Variants in SYNPO2 observed in about 807,000 individuals in gnomAD.
The protein encoded by SYNPO2 is synaptopodin 2.
A neutral mutation model predicts 85.0 loss-of-function variants in SYNPO2; 56 were observed. That is an observed-to-expected ratio of 0.66 (90% CI 0.53 to 0.82). SYNPO2 has a LOEUF of 0.82. SYNPO2 is among the 40% of genes least tolerant of loss of function. The pLI is 0.00. For synonymous variants in SYNPO2, 602 were observed against 591.1 expected, an observed-to-expected ratio of 1.02 and a Z score of -0.27; for missense variants, 1,575 against 1,534.2, an observed-to-expected ratio of 1.03 and a Z score of -0.44.
intron 1 of SYNPO2, among the ~76,000 whole-genome samples, chr4:118,935,941 T>C (rs1398192589): frequency 1.3e-5 from 2 of 152,106 alleles, no homozygotes; most frequent in Non-Finnish European, 2.9e-5. Flanking sequence ...GAGGGGTTGA[T>C]TTTGCTGTCT....
Position 119,031,907 on chromosome 4 carries a change from CAG to C in SYNPO2, c.3133_3134del (p.Ser1045CysfsTer68). On this transcript the variant is annotated frameshift_variant, in exon 4 of 5. Coordinates refer to ENST00000307142, the MANE Select transcript of SYNPO2 (RefSeq NM_133477.3). LOFTEE classifies it high-confidence loss of function. ...SFFAEASSPVSASPVPVGIPT... is the reference protein window; with the variant it reads ...SFFAEASSPVXASPVPVGIPT... ...TCTTTGCAGAGGCCTCCTCACCAGT[CAG>C]TGCATCCCCAGTGCCTGTGGGCATT... 6.2e-7 allele frequency: 1 copy of C among 1,614,252 alleles called. No homozygotes were observed. The highest frequency in any genetic ancestry group is 1.1e-5 in the South Asian group (1 of 91,078).
At chr4:118,907,376 T>C (rs1420024870) in intron 1 of SYNPO2, among the ~76,000 whole-genome samples, 1 of 152,212 alleles carries the variant, frequency 6.6e-6, no homozygotes, top group Non-Finnish European at 1.5e-5. Context: ...GACCATCTTG[T>C]AGAGTTAAAA....
At chr4:118,868,060 A>AAC (rs1731732923) in intron 1 of SYNPO2, among the ~76,000 whole-genome samples, 1 of 151,826 alleles carries the variant, frequency 6.6e-6, no homozygotes, top group Non-Finnish European at 1.5e-5. Context: ...AAAAAAAAAA[A>AAC]AAAACTACGT....
At chr4:118,868,775 C>T (rs1041750389) in intron 1 of SYNPO2, among the ~76,000 whole-genome samples, 7 of 152,140 alleles carry the variant, frequency 4.6e-5, no homozygotes, top group Admixed American at 3.3e-4. Context: ...GAAGGAAATA[C>T]TTTATTTAAG....
chr4:118,901,831 C>T (rs1732767727), intron 1 of SYNPO2, among the ~76,000 whole-genome samples: 1 of 152,212 alleles, frequency 6.6e-6, no homozygotes. Flanking sequence ...ACAGACCAGA[C>T]TGGACCAGGA....
chr4:118,856,195 A>G (rs762389527), intron 1 of SYNPO2, among the ~76,000 whole-genome samples: 3 of 152,232 alleles, frequency 2.0e-5, no homozygotes, highest in Admixed American at 6.5e-5. Context: ...CACTGTGTGC[A>G]AGTAACATAT....
chr4:119,034,593 G>A, intron 4 of SYNPO2: 1 of 985,538 alleles, frequency 1.0e-6, no homozygotes, highest in Non-Finnish European at 1.2e-6. Flanking sequence ...GGCAGCATAG[G>A]TCTCATCTTG....
chr4:118,948,634 G>T (rs1435305810), intron 1 of SYNPO2, among the ~76,000 whole-genome samples: 1 of 152,114 alleles, frequency 6.6e-6, no homozygotes, highest in East Asian at 1.9e-4. Flanking sequence ...GAAGGGGAAG[G>T]GGAGCAGGCA....
At chr4:118,989,692 G>T (rs1736340121) in intron 1 of SYNPO2, among the ~76,000 whole-genome samples, 1 of 152,234 alleles carries the variant, frequency 6.6e-6, no homozygotes, top group African/African-American at 2.4e-5. Flanking sequence ...GAAATATCCT[G>T]TGAAGCAAAC....
At chr4:118,953,974 G>A (rs1278019914) in intron 1 of SYNPO2, among the ~76,000 whole-genome samples, 1 of 152,140 alleles carries the variant, frequency 6.6e-6, no homozygotes, top group Non-Finnish European at 1.5e-5. Context: ...ACCCCAGAAG[G>A]CCATGATTTC....
intron 1 of SYNPO2, among the ~76,000 whole-genome samples, chr4:118,876,721 CTTTCTTTCTTTCTTTCTG>C (rs1731932497): frequency 8.1e-6 from 1 of 123,394 alleles, no homozygotes; most frequent in African/African-American, 3.0e-5. Flanking sequence ...TTCTTTCTTT[CTTTCTTTCTTTCTTTCTG>C]CCTTTCTCTG....
intron 1 of SYNPO2, among the ~76,000 whole-genome samples, chr4:119,001,762 T>C (rs1398101858): frequency 2.0e-5 from 3 of 152,174 alleles, no homozygotes; most frequent in African/African-American, 7.2e-5. Context: ...TTTACCTTTG[T>C]CTAGTTTTCT....
At chr4:118,949,676 G>A (rs1260455977) in intron 1 of SYNPO2, among the ~76,000 whole-genome samples, 1 of 152,014 alleles carries the variant, frequency 6.6e-6, no homozygotes, top group Admixed American at 6.5e-5. Flanking sequence ...TTGAACCCAG[G>A]AAGTGGAGGT....
At chr4:118,961,100 C>CCG (rs1553941442) in intron 1 of SYNPO2, among the ~76,000 whole-genome samples, 7 of 20,028 alleles carry the variant, frequency 3.5e-4, no homozygotes, top group Non-Finnish European at 5.5e-4. Context: ...TATTTTACCG[C>CCG]CCCCCCCCCA....
intron 1 of SYNPO2, among the ~76,000 whole-genome samples, chr4:118,893,020 T>G (rs1053138334): frequency 2.6e-5 from 4 of 152,162 alleles, no homozygotes; most frequent in Non-Finnish European, 4.4e-5. Context: ...AACATAGGTA[T>G]TTCTAAAGGG....
At chr4:118,915,256 T>C (rs76428560) in intron 1 of SYNPO2, among the ~76,000 whole-genome samples, 1 of 152,132 alleles carries the variant, frequency 6.6e-6, no homozygotes, top group Non-Finnish European at 1.5e-5. Context: ...TAATACCTGA[T>C]GTCTGACATT....
intron 1 of SYNPO2, among the ~76,000 whole-genome samples, chr4:118,922,896 T>C (rs1197625760): frequency 1.3e-5 from 2 of 152,154 alleles, no homozygotes; most frequent in African/African-American, 4.8e-5. Context: ...TAGAGTATCA[T>C]CCATATAGTA....
intron 1 of SYNPO2, among the ~76,000 whole-genome samples, chr4:118,874,811 AAC>A (rs1374447968): frequency 2.6e-5 from 4 of 152,238 alleles, no homozygotes; most frequent in African/African-American, 9.6e-5. Flanking sequence ...AAATACCACA[AAC>A]ACACAATGCT....
chr4:119,025,315 A>G (rs1737892851), intron 2 of SYNPO2, among the ~76,000 whole-genome samples: 1 of 152,230 alleles, frequency 6.6e-6, no homozygotes, highest in South Asian at 2.1e-4. Flanking sequence ...AATTCAGTTT[A>G]ACAATGTATT....
Sources: allele counts gnomAD v4.1 joint callset (sites outside exome capture counted in the v4.1 genomes callset), GRCh38; gene constraint gnomAD v4.1.1; transcripts MANE v1.5; gene names NCBI Gene and HGNC (gene_info 2026-07-23, HGNC 2026-07-21).